The following LAMA2 variants were observed in gnomAD, a reference collection of about 807,000 sequenced individuals.
The protein encoded by LAMA2 is laminin subunit alpha 2.
In LAMA2, 269 loss-of-function variants were observed where a neutral mutation model predicts 364.8. The ratio of observed to expected loss-of-function variants is 0.74; its 90% CI spans 0.67 to 0.82. The LOEUF is 0.82. LAMA2 is among the 40% of genes least tolerant of loss of function. The pLI is 0.00. For missense variants in LAMA2, 3,807 were observed against 3,873.2 expected (o/e 0.98, Z 0.45); for synonymous variants, 1,379 against 1,370.6 (o/e 1.01, Z -0.14).
intron 27 of LAMA2, among the ~76,000 whole-genome samples, chr6:129,317,298 G>C (rs1327845315): frequency 6.6e-6 from 1 of 152,072 alleles, no homozygotes; most frequent in Non-Finnish European, 1.5e-5. Context: ...TTTGTAAATA[G>C]TCTTATATAA....
intron 12 of LAMA2, among the ~76,000 whole-genome samples, chr6:129,229,526 A>T (rs541870827): frequency 1.3e-5 from 2 of 152,296 alleles, no homozygotes; most frequent in East Asian, 3.9e-4. Flanking sequence ...AATGAGAAAC[A>T]CAGACATGTA....
chr6:129,029,369 G>A (rs956830594), intron 1 of LAMA2, among the ~76,000 whole-genome samples: 2 of 151,866 alleles, frequency 1.3e-5, no homozygotes, highest in Admixed American at 6.6e-5. Context: ...ACTCAGAAGT[G>A]GAAGGAATTT....
intron 52 of LAMA2, 94 bp from the exon 53 acceptor site, chr6:129,475,296 T>C (rs1400338369): frequency 1.3e-6 from 1 of 785,066 alleles, no homozygotes; most frequent in East Asian, 2.7e-5. Flanking sequence ...TTTAAAGATT[T>C]ATGATTAAAG....
At chr6:129,456,614 T>A in intron 48 of LAMA2, 120 bp downstream of exon 48, 2 of 945,110 alleles carry the variant, frequency 2.1e-6, no homozygotes, top group Non-Finnish European at 3.5e-6. Context: ...TTAACTTGCA[T>A]TTATGAAAAC....
intron 3 of LAMA2, among the ~76,000 whole-genome samples, chr6:129,096,162 T>C (rs889609497): frequency 6.6e-6 from 1 of 152,194 alleles, no homozygotes; most frequent in Non-Finnish European, 1.5e-5. Context: ...TGATGAGTTG[T>C]TCAATATGAA....
rs560568288 is a variant in LAMA2, at chr6:129,461,058, T to G, written c.6992+734T>G. 2.1e-3 allele frequency among the ~76,000 whole-genome samples: 321 copies of G among 152,140 alleles called. 2 individuals are homozygous for G. Among genetic ancestry groups the G allele is most frequent in the African/African-American group, 7.3e-3 (303 of 41,544 alleles). On this transcript the variant is annotated intron_variant, in intron 49 of 64. Transcript: ENST00000421865. ...ATACAGGATATAAAATATTTAGCTA[T>G]AAGTAGAGGATTTCTCAGCATAAAA...
chr6:129,442,294 C>T (rs1397826476), intron 43 of LAMA2: 4 of 1,079,652 alleles, frequency 3.7e-6, no homozygotes, highest in Non-Finnish European at 4.9e-6. Flanking sequence ...AGGAAGAGTA[C>T]AAACACATAT....
chr6:128,941,806 A>G (rs1440553022), intron 1 of LAMA2, among the ~76,000 whole-genome samples: 1 of 152,192 alleles, frequency 6.6e-6, no homozygotes, highest in Non-Finnish European at 1.5e-5. Flanking sequence ...GCGAGTTGGT[A>G]TCTACTGATG....
chr6:129,226,157 C>T (rs1784257386), intron 12 of LAMA2, among the ~76,000 whole-genome samples: 1 of 152,032 alleles, frequency 6.6e-6, no homozygotes. Context: ...GGTTTGCAAC[C>T]CCTGCCTTTT....
At chr6:129,492,265 G>A (rs1185573740) in intron 57 of LAMA2, 50 bp from the exon 58 acceptor site, 2 of 1,584,516 alleles carry the variant, frequency 1.3e-6, no homozygotes, top group Non-Finnish European at 1.7e-6. Flanking sequence ...TTAATTGTAA[G>A]GAAGCAAAAA....
At chr6:129,366,388 G>T (rs376267734) in intron 33 of LAMA2, 27 bp downstream of exon 33, 20 of 1,612,096 alleles carry the variant, frequency 1.2e-5, no homozygotes, top group Non-Finnish European at 1.5e-5. Flanking sequence ...ACAAGCAAGG[G>T]CCAGGGACAA....
At position 129,505,195 on chromosome 6, in the gene LAMA2, T is replaced by C. The variant is rs773648797; in HGVS notation, c.8548-5T>C. 1 of 1,613,254 alleles carries C rather than the reference T, an allele frequency of 6.2e-7. No homozygotes were observed. The highest frequency in any genetic ancestry group is 2.2e-5 in the East Asian group (1 of 44,840). On this transcript the variant is annotated splice_polypyrimidine_tract_variant and splice_region_variant and intron_variant, in intron 60 of 64. Coordinates refer to ENST00000421865, the MANE Select transcript of LAMA2 (RefSeq NM_000426.4). Reference sequence around the variant, plus strand: ...TGGCATTAATGACTCCTTTCTTTTTTGTAGATTAAGATAATGAGAAGTAAG... The same window carrying C: ...TGGCATTAATGACTCCTTTCTTTTTCGTAGATTAAGATAATGAGAAGTAAG...
At chr6:128,955,947 G>A (rs1449065381) in intron 1 of LAMA2, among the ~76,000 whole-genome samples, 9 of 151,862 alleles carry the variant, frequency 5.9e-5, no homozygotes, top group Non-Finnish European at 5.9e-5. Flanking sequence ...AGTAAAAAAT[G>A]TTCCTTGAGC....
chr6:129,253,604 T>C (rs1220941046), intron 14 of LAMA2, among the ~76,000 whole-genome samples: 1 of 152,204 alleles, frequency 6.6e-6, no homozygotes, highest in African/African-American at 2.4e-5. Context: ...ATTTAGCAAA[T>C]AGAGGTTGTC....
chr6:129,252,243 AAG>A lies in LAMA2; in HGVS notation c.2049_2050del (p.Arg683SerfsTer21), dbSNP rs202247790. On this transcript the variant is annotated frameshift_variant, in exon 14 of 65. Coordinates refer to ENST00000421865, the MANE Select transcript of LAMA2 (RefSeq NM_000426.4). LOFTEE classifies it high-confidence loss of function. ...KEFMTVLANL[K>X]RVLLQITYSF... ...ATTTATGACAGTGCTTGCGAATTTGAAGAGAGTCCTCCTACAAATCACATACA... is the reference window on the plus strand; with the variant it reads ...ATTTATGACAGTGCTTGCGAATTTGAAGAGTCCTCCTACAAATCACATACA... The A allele has an allele frequency of 1.4e-4, 234 of 1,613,960 alleles. No homozygotes were observed. The highest frequency in any genetic ancestry group is 1.8e-4 in the Non-Finnish European group (211 of 1,179,968).
intron 1 of LAMA2, among the ~76,000 whole-genome samples, chr6:129,048,137 C>T (rs1787665686): frequency 6.6e-6 from 1 of 152,144 alleles, no homozygotes; most frequent in South Asian, 2.1e-4. Context: ...GACAATAGTG[C>T]TTGGCACATT....
intron 1 of LAMA2, among the ~76,000 whole-genome samples, chr6:128,992,771 T>C (rs991210936): frequency 2.0e-5 from 3 of 152,216 alleles, no homozygotes; most frequent in Non-Finnish European, 4.4e-5. Flanking sequence ...TTTTGTGCTT[T>C]GACATTTCAA....
chr6:128,996,671 G>T (rs773262345), intron 1 of LAMA2, among the ~76,000 whole-genome samples: 1 of 152,208 alleles, frequency 6.6e-6, no homozygotes, highest in Non-Finnish European at 1.5e-5. Context: ...CTTTTACACT[G>T]TTAGTGTGAA....
chr6:129,091,974 G>A (rs1774861187), intron 3 of LAMA2, among the ~76,000 whole-genome samples: 1 of 152,156 alleles, frequency 6.6e-6, no homozygotes, highest in South Asian at 2.1e-4. Context: ...CACAGTAAGA[G>A]CCAGGTTCTA....
Sources: gnomAD v4.1 joint callset for allele counts (sites outside exome capture counted in the v4.1 genomes callset) on GRCh38, gnomAD v4.1.1 for gene constraint, MANE v1.5 for transcripts, NCBI Gene and HGNC (gene_info 2026-07-23, HGNC 2026-07-21) for gene names.